The following WDR41 variants were observed in gnomAD, a reference collection of about 807,000 sequenced individuals.
The protein encoded by WDR41 is WD repeat domain 41.
A neutral mutation model predicts 69.3 loss-of-function variants in WDR41; 63 were observed. That is an observed-to-expected ratio of 0.91 (90% CI 0.74 to 1.12). The LOEUF is 1.12. Ranked by LOEUF, WDR41 falls within the 50% of genes most tolerant of loss-of-function variation. WDR41 has a pLI of 0.00. For synonymous variants in WDR41, 185 were observed against 192.1 expected (o/e 0.96, Z 0.31); for missense variants, 543 against 534.5 (o/e 1.02, Z -0.16).
intron 1 of WDR41, among the ~76,000 whole-genome samples, chr5:77,509,191 T>G (rs920344053): frequency 4.7e-4 from 72 of 152,300 alleles, no homozygotes; most frequent in African/African-American, 1.7e-3. Flanking sequence ...TTAATTTTAT[T>G]GCTGGAGACC....
At chr5:77,572,737 A>G (rs368461553) in intron 1 of WDR41, among the ~76,000 whole-genome samples, 1 of 152,358 alleles carries the variant, frequency 6.6e-6, no homozygotes, top group African/African-American at 2.4e-5. Context: ...GATTTGTCTC[A>G]AAGTGGTCAA....
At position 77,608,950 on chromosome 5, in the gene WDR41, C is replaced by T. The variant is rs186002338; in HGVS notation, c.42+11529G>A. Among the ~76,000 whole-genome samples, 993 of 152,320 alleles carry T rather than the reference C, an allele frequency of 6.5e-3. 4 individuals are homozygous for T. The highest frequency in any genetic ancestry group is 0.011 in the Non-Finnish European group (731 of 68,030). On this transcript the variant is annotated intron_variant, in intron 1 of 5. Coordinates refer to the WDR41 transcript ENST00000509971. ...CCTGGAAAATCGGGTCACTCCCACC[C>T]GAATACTGCGCTTTTCCGACGGGCT...
chr5:77,540,986 T>C (rs1465262248), intron 1 of WDR41, among the ~76,000 whole-genome samples: 1 of 152,160 alleles, frequency 6.6e-6, no homozygotes, highest in African/African-American at 2.4e-5. Flanking sequence ...AGGCTACTGC[T>C]ATACCAAGGA....
At chr5:77,583,497 G>A (rs1743979866) in intron 1 of WDR41, among the ~76,000 whole-genome samples, 1 of 150,220 alleles carries the variant, frequency 6.7e-6, no homozygotes, top group Non-Finnish European at 1.5e-5. Context: ...GGGTGACAGA[G>A]AGAAACCCTA....
rs578039753 is a variant in WDR41 at position 77,519,454 on chromosome 5, C to T, written c.43-29882G>A. On this transcript the variant is annotated intron_variant, in intron 1 of 5. Transcript: ENST00000509971. ...TGTAATTTATCTCCAAGTATTTAGT[C>T]TTTATTTTTTTCAAATTTAATCTAC... is the stretch of plus-strand genomic sequence containing the variant. Among the ~76,000 whole-genome samples the T allele has an allele frequency of 1.5e-4, 23 of 151,742 alleles. No individual in the cohort carries two copies. In the South Asian group the frequency reaches 4.8e-3, roughly 32 times the overall value.
intron 1 of WDR41, chr5:77,491,234 C>G (rs1192013271): frequency 2.6e-6 from 1 of 385,116 alleles, no homozygotes; most frequent in Non-Finnish European, 5.3e-6. Context: ...GCTCAAAAAG[C>G]TCCCCTGAGC....
chr5:77,448,349 C>G (rs1799469097), intron 8 of WDR41, among the ~76,000 whole-genome samples: 1 of 152,102 alleles, frequency 6.6e-6, no homozygotes, highest in African/African-American at 2.4e-5. Context: ...AAAGGGACAC[C>G]AGCAACCATT....
chr5:77,492,469 G>T, upstream of WDR41: 2 of 432,764 alleles, frequency 4.6e-6, no homozygotes, highest in East Asian at 3.7e-5. Context: ...CGACGGCGGG[G>T]GCGGCTGCGG....
intron 8 of WDR41, 77 bp downstream of exon 8, chr5:77,449,683 A>G: frequency 2.2e-6 from 2 of 925,880 alleles, no homozygotes; most frequent in Non-Finnish European, 3.4e-6. Flanking sequence ...TCCCAGAACT[A>G]AGCAAGGCTC....
Position 77,489,493 on chromosome 5 carries a change from T to G in WDR41, c.131A>C (p.Asp44Ala). 1 of 1,607,938 alleles carries G rather than the reference T, an allele frequency of 6.2e-7. No individual in the cohort carries two copies. Among genetic ancestry groups the G allele is most frequent in the Non-Finnish European group, 8.5e-7 (1 of 1,177,592 alleles). The change falls in exon 2 of 13, where the codon GAT becomes GCT. Residue 44 changes from aspartate (D) to alanine (A), a missense_variant. Physicochemically the swap from Asp to Ala is moderately radical, Grantham distance 126 (BLOSUM62 -2). Transcript: ENST00000296679. ...TELLVLKAHH[D>A]IVRFLVQLDD... ...TAACTGTACCAGAAATCGTACAATATCATGATGAGCCTTCAGTACTAGCAG... is the reference window on the plus strand; with the variant it reads ...TAACTGTACCAGAAATCGTACAATAGCATGATGAGCCTTCAGTACTAGCAG...
rs934491770 is a variant in WDR41 at position 77,582,451 on chromosome 5, G to C, written c.42+38028C>G. 3 of 1,604,744 alleles carry C rather than the reference G, an allele frequency of 1.9e-6. No individual in the cohort carries two copies. In the Admixed American group the frequency reaches 5.0e-5, roughly 27 times the overall value. On this transcript the variant is annotated intron_variant, in intron 1 of 5. Transcript: ENST00000509971. ...CCTTAAGAAAAAGCGAAGGAATTTC[G>C]TAGAGCTGAAGATCAAGCGCCTGAG...
chr5:77,570,247 AT>A (rs905370509), intron 1 of WDR41, among the ~76,000 whole-genome samples: 1 of 151,828 alleles, frequency 6.6e-6, no homozygotes, highest in African/African-American at 2.4e-5. Flanking sequence ...ATACTATTGA[AT>A]TTTTCTTTAG....
intron 2 of WDR41, chr5:77,480,047 T>C (rs1801148855): frequency 6.6e-6 from 1 of 151,664 alleles, no homozygotes; most frequent in Non-Finnish European, 1.5e-5. Context: ...AGAAGACATT[T>C]ATGCAGCCAA....
chr5:77,459,100 G>T lies in WDR41; in HGVS notation c.373C>A (p.Gln125Lys). Residue 125 changes from glutamine to lysine, a missense_variant, in exon 5 of 13, where the codon CAA becomes AAA. Transcript: ENST00000296679. ...VIVWDGDTTR[Q>K]VQRISCFQST... ...TGGAAGCATGATATTCTCTGAACTT[G>T]TCTGGTAGTATCACCATCCCACACC... The T allele has an allele frequency of 6.2e-7, 1 of 1,601,236 alleles. No homozygotes were observed. The highest frequency in any genetic ancestry group is 8.5e-7 in the Non-Finnish European group (1 of 1,171,960).
intron 2 of WDR41, among the ~76,000 whole-genome samples, chr5:77,478,320 T>C (rs1164700931): frequency 2.0e-5 from 3 of 152,176 alleles, no homozygotes; most frequent in Non-Finnish European, 2.9e-5. Flanking sequence ...CCCTAACTCA[T>C]TTTATGAGGC....
chr5:77,549,321 C>T (rs1170132600), intron 1 of WDR41, among the ~76,000 whole-genome samples: 2 of 152,110 alleles, frequency 1.3e-5, no homozygotes, highest in East Asian at 1.9e-4. Context: ...AATTATCTTT[C>T]TTCACTGATG....
At chr5:77,481,356 T>A (rs1801250048) in intron 2 of WDR41, among the ~76,000 whole-genome samples, 1 of 151,998 alleles carries the variant, frequency 6.6e-6, no homozygotes, top group Admixed American at 6.5e-5. Flanking sequence ...GGGAACATAC[T>A]GGTCTGCTCT....
At chr5:77,450,466 T>C (rs946854577) in intron 7 of WDR41, among the ~76,000 whole-genome samples, 1 of 152,236 alleles carries the variant, frequency 6.6e-6, no homozygotes, top group African/African-American at 2.4e-5. Flanking sequence ...TATCTGACTT[T>C]AACAAATACA....
rs113715694 is a variant in WDR41 at position 77,457,800 on chromosome 5, G to A, written c.411+1262C>T. ...AACTGAACCACTGAACTAAATGAGT[G>A]CAATGCTATTTTTTAACAATTTTTA... On this transcript the variant is annotated intron_variant, in intron 5 of 12. Transcript: ENST00000296679. Among the ~76,000 whole-genome samples the A allele has an allele frequency of 1.4e-3, 217 of 152,074 alleles. 1 individual carries two copies. The highest frequency in any genetic ancestry group is 5.0e-3 in the African/African-American group (208 of 41,460).
Sources: gnomAD v4.1 joint callset for allele counts (sites outside exome capture counted in the v4.1 genomes callset) on GRCh38, gnomAD v4.1.1 for gene constraint, MANE v1.5 for transcripts, NCBI Gene and HGNC (gene_info 2026-07-23, HGNC 2026-07-21) for gene names.